Variants in SLC9B1 observed in about 807,000 individuals in gnomAD.
SLC9B1 encodes sodium/hydrogen exchanger 9B1.
Under a neutral mutation model 51.7 loss-of-function variants are expected in SLC9B1, and 32 were observed. The observed-to-expected ratio is 0.62, with a 90% CI of 0.47 to 0.83. The LOEUF is 0.83. SLC9B1 is among the 40% of genes least tolerant of loss of function. The probability of loss-of-function intolerance (pLI) is 0.00; values close to 1 mark genes in which losing one functional copy is unlikely to be tolerated. For synonymous variants in SLC9B1, 145 were observed against 212.7 expected (o/e 0.68, Z 2.77); for missense variants, 406 against 613.2 (o/e 0.66, Z 3.57).
intron 3 of SLC9B1, among the ~76,000 whole-genome samples, chr4:102,970,789 G>A (rs929767333): frequency 6.6e-6 from 1 of 152,134 alleles, no homozygotes; most frequent in African/African-American, 2.4e-5. Context: ...AGGGATAGAG[G>A]AATATCTACC....
chr4:102,981,780 A>G (rs1187517694), intron 3 of SLC9B1, among the ~76,000 whole-genome samples: 1 of 152,062 alleles, frequency 6.6e-6, no homozygotes, highest in Non-Finnish European at 1.5e-5. Context: ...TCCTTTGCAA[A>G]TATTTTCTTC....
intron 1 of SLC9B1, 43 bp from the exon 2 acceptor site, chr4:102,991,755 T>A: frequency 7.5e-7 from 1 of 1,333,816 alleles, no homozygotes; most frequent in Non-Finnish European, 1.0e-6. Context: ...GAAACAAGAC[T>A]ATAAATCCAT....
At chr4:102,930,636 T>C (rs1170495560) in intron 7 of SLC9B1, among the ~76,000 whole-genome samples, 1 of 152,052 alleles carries the variant, frequency 6.6e-6, no homozygotes, top group East Asian at 1.9e-4. Context: ...CTTGAACTCC[T>C]GATCTCAAGT....
Position 102,942,360 on chromosome 4 carries a change from G to A in SLC9B1, c.653+2833C>T, listed in dbSNP as rs537763597. Reference sequence around the variant, plus strand: ...TTAATGTGGAGCCCAAAAATAGCCCGCATAACCAAAGCAAGACTAAGCAAA... The same window carrying A: ...TTAATGTGGAGCCCAAAAATAGCCCACATAACCAAAGCAAGACTAAGCAAA... On this transcript the variant is annotated intron_variant, in intron 6 of 11. Transcript: ENST00000296422. Among the ~76,000 whole-genome samples the A allele has an allele frequency of 6.6e-5, 10 of 152,126 alleles. No homozygotes were observed. The East Asian group carries it at 1.3e-3, about 21-fold the overall frequency.
intron 1 of SLC9B1, among the ~76,000 whole-genome samples, chr4:103,011,782 A>G (rs1388500370): frequency 6.6e-6 from 1 of 152,208 alleles, no homozygotes; most frequent in Non-Finnish European, 1.5e-5. Context: ...TGTGTGGAGC[A>G]GAAAGTTGAC....
At position 102,885,375 on chromosome 4, in the gene SLC9B1, T is replaced by C. The variant is rs752222512; in HGVS notation, c.1333-47A>G. The C allele has an allele frequency of 1.9e-6, 3 of 1,614,128 alleles. No homozygotes were observed. The highest frequency in any genetic ancestry group is 1.6e-4 in the Middle Eastern group (1 of 6,062). On this transcript the variant is annotated intron_variant, in intron 11 of 11. Coordinates refer to the SLC9B1 transcript ENST00000394789. Reference sequence around the variant, plus strand: ...CCGAAAGTAGTGAATGAAATAAACATTGAAGATTTGTGTCTTACTAAAGCA... The same window carrying C: ...CCGAAAGTAGTGAATGAAATAAACACTGAAGATTTGTGTCTTACTAAAGCA...
At chr4:102,945,129 T>C in intron 6 of SLC9B1, 64 bp downstream of exon 6, 1 of 1,413,784 alleles carries the variant, frequency 7.1e-7, no homozygotes. Flanking sequence ...CTGAATATTT[T>C]AACAGTTTTA....
At chr4:102,967,496 G>A (rs1295851922) in intron 3 of SLC9B1, among the ~76,000 whole-genome samples, 1 of 152,124 alleles carries the variant, frequency 6.6e-6, no homozygotes, top group Non-Finnish European at 1.5e-5. Context: ...CTTGGGTTCT[G>A]GTGAAAGCTT....
intron 9 of SLC9B1, among the ~76,000 whole-genome samples, chr4:102,906,899 T>C (rs574129061): frequency 1.1e-4 from 17 of 152,282 alleles, no homozygotes; most frequent in Admixed American, 2.6e-4. Context: ...AATTTTTAAA[T>C]TGTTTATAGA....
chr4:102,949,723 CT>C (rs1255042480), intron 3 of SLC9B1, among the ~76,000 whole-genome samples: 1 of 152,114 alleles, frequency 6.6e-6, no homozygotes, highest in East Asian at 1.9e-4. Context: ...CTTTGGGAGG[CT>C]GAGGCAGGCT....
intron 11 of SLC9B1, among the ~76,000 whole-genome samples, chr4:102,895,429 A>G (rs560578348): frequency 6.6e-6 from 1 of 152,350 alleles, no homozygotes; most frequent in Admixed American, 6.5e-5. Context: ...GTAACACTTA[A>G]TGACAAAATA....
Position 102,998,430 on chromosome 4 carries a change from A to G in SLC9B1, c.-1-6718T>C, listed in dbSNP as rs548669753. ...TGTATATATCACATTTTGTTTATCC[A>G]TTCATCTACTGATAGACCTTTTGGC... is the stretch of plus-strand genomic sequence containing the variant. On this transcript the variant is annotated intron_variant, in intron 1 of 11. Coordinates refer to ENST00000296422, the MANE Select transcript of SLC9B1 (RefSeq NM_139173.4). Among the ~76,000 whole-genome samples the G allele has an allele frequency of 1.8e-4, 28 of 152,278 alleles. No individual in the cohort carries two copies. The East Asian group carries it at 5.0e-3, about 27-fold the overall frequency.
At chr4:103,007,775 AG>A (rs1740866985) in intron 1 of SLC9B1, among the ~76,000 whole-genome samples, 1 of 151,584 alleles carries the variant, frequency 6.6e-6, no homozygotes, top group Admixed American at 6.6e-5. Context: ...AATTTTTTGT[AG>A]GGACGGGGTC....
intron 7 of SLC9B1, among the ~76,000 whole-genome samples, chr4:102,917,498 A>G (rs1218279844): frequency 1.5e-5 from 2 of 134,562 alleles, no homozygotes; most frequent in Non-Finnish European, 3.4e-5. Context: ...TATATCTCCT[A>G]TTGGTTCTGA....
chr4:102,911,742 T>C (rs1735347165), intron 7 of SLC9B1, among the ~76,000 whole-genome samples: 2 of 152,184 alleles, frequency 1.3e-5, no homozygotes, highest in Non-Finnish European at 2.9e-5. Flanking sequence ...TAATTTAATA[T>C]ATACACACAA....
chr4:102,958,472 T>C (rs1184188378), intron 3 of SLC9B1, among the ~76,000 whole-genome samples: 2 of 152,186 alleles, frequency 1.3e-5, no homozygotes, highest in African/African-American at 4.8e-5. Flanking sequence ...AATGGACTAA[T>C]ACACCTGTCT....
At chr4:102,984,106 T>C (rs934510320) in intron 3 of SLC9B1, among the ~76,000 whole-genome samples, 1 of 152,000 alleles carries the variant, frequency 6.6e-6, no homozygotes, top group Non-Finnish European at 1.5e-5. Context: ...AAAGTACTTG[T>C]ATTTTTTATT....
At position 102,936,332 on chromosome 4, in the gene SLC9B1, A is replaced by C. The variant is rs181898777; in HGVS notation, c.654-4033T>G. ...CAGATGTGAAAGAACCAGTGCAAAA[A>C]CTGGCAATGTAAAAAGCCAGAATGT... On this transcript the variant is annotated intron_variant, in intron 6 of 11. Coordinates refer to ENST00000296422, the MANE Select transcript of SLC9B1 (RefSeq NM_139173.4). Among the ~76,000 whole-genome samples, 1,371 of 152,330 alleles carry C rather than the reference A, an allele frequency of 9.0e-3. 69 individuals are homozygous for C. The highest frequency in any genetic ancestry group is 0.072 in the Admixed American group (1,105 of 15,296).
chr4:102,944,090 G>A (rs1002753062), intron 6 of SLC9B1, among the ~76,000 whole-genome samples: 1 of 152,128 alleles, frequency 6.6e-6, no homozygotes, highest in African/African-American at 2.4e-5. Flanking sequence ...CAACGTGGAT[G>A]GAGTTGAGGC....
Sources: gnomAD v4.1 joint callset for allele counts (sites outside exome capture counted in the v4.1 genomes callset) on GRCh38, gnomAD v4.1.1 for gene constraint, MANE v1.5 for transcripts, NCBI Gene and HGNC (gene_info 2026-07-23, HGNC 2026-07-21) for gene names.